FABP6: variants seen among roughly 807,000 people sequenced by gnomAD.
FABP6 encodes the protein fatty acid binding protein 6, also known as gastrotropin.
A neutral mutation model predicts 14.9 loss-of-function variants in FABP6; 13 were observed. The ratio of observed to expected loss-of-function variants is 0.87; its 90% CI spans 0.57 to 1.39. The LOEUF is 1.39. FABP6 is among the 40% of genes most tolerant of loss of function. The pLI is 0.00. For synonymous variants in FABP6, 75 were observed against 63.6 expected, an observed-to-expected ratio of 1.18 and a Z score of -0.85; for missense variants, 161 against 167.2, an observed-to-expected ratio of 0.96 and a Z score of 0.20.
chr5:160,204,362 T>TA (rs34078328), intron 2 of FABP6, among the ~76,000 whole-genome samples: 11 of 152,030 alleles, frequency 7.2e-5, no homozygotes, highest in South Asian at 2.1e-4. Context: ...TACGTTTTTT[T>TA]AAAAAAGCTC....
intron 2 of FABP6, among the ~76,000 whole-genome samples, chr5:160,206,674 C>T (rs10866717): frequency 0.82 from 124,250 of 152,096 alleles, 51,173 homozygotes; most frequent in Non-Finnish European, 0.85. Flanking sequence ...ATTATTTTTT[C>T]CTACCCACGT....
At chr5:160,207,242 T>C (rs956021120) in intron 2 of FABP6, among the ~76,000 whole-genome samples, 2 of 152,232 alleles carry the variant, frequency 1.3e-5, no homozygotes, top group South Asian at 2.1e-4. Flanking sequence ...TAAACTCCCA[T>C]GGCCCAATCC....
At chr5:160,202,567 C>T (rs1228263423) in intron 2 of FABP6, among the ~76,000 whole-genome samples, 1 of 152,098 alleles carries the variant, frequency 6.6e-6, no homozygotes, top group East Asian at 1.9e-4. Context: ...GAGGACAAGG[C>T]AGGCAAATCA....
intron 2 of FABP6, among the ~76,000 whole-genome samples, chr5:160,211,633 C>T (rs1439077966): frequency 6.6e-6 from 1 of 152,158 alleles, no homozygotes; most frequent in Admixed American, 6.5e-5. Flanking sequence ...TGGCAGTGCC[C>T]CAGGGACTGT....
At chr5:160,208,644 G>A (rs973253218) in intron 2 of FABP6, among the ~76,000 whole-genome samples, 1 of 152,170 alleles carries the variant, frequency 6.6e-6, no homozygotes, top group African/African-American at 2.4e-5. Context: ...CATGAGAGTG[G>A]GAGCCAGGCA....
intron 1 of FABP6, chr5:160,197,921 C>CGTGT (rs34714032): frequency 0.12 from 15,449 of 126,970 alleles, 1,324 homozygotes; most frequent in Admixed American, 0.19. Flanking sequence ...AAGGCTGCTT[C>CGTGT]GTGTGTGTGT....
chr5:160,226,402 A>T (rs959192838), upstream of FABP6, among the ~76,000 whole-genome samples: 9 of 151,546 alleles, frequency 5.9e-5, no homozygotes, highest in African/African-American at 2.2e-4. Flanking sequence ...TCTACTAAAG[A>T]TACAGAAAAT....
chr5:160,201,315 G>A (rs888193036), intron 2 of FABP6, among the ~76,000 whole-genome samples: 2 of 148,440 alleles, frequency 1.3e-5, no homozygotes, highest in East Asian at 2.1e-4. Context: ...TCAAGATCGC[G>A]ACACTGCACT....
In FABP6 at chr5:160,198,983, A is replaced by G; in HGVS notation, c.-58-66A>G. 2.0e-6 allele frequency: 2 copies of G among 979,574 alleles called. 1 individual carries two copies. The highest frequency in any genetic ancestry group is 2.7e-5 in the South Asian group (2 of 74,758). 60.7% of individuals were successfully genotyped at this position (979,574 alleles called of 1,614,324 possible). On this transcript the variant is annotated intron_variant, in intron 1 of 6. Coordinates refer to the FABP6 transcript ENST00000393980. Reference sequence around the variant, plus strand: ...GTCAATAAAATGGATTGAATAGACAAATGAATGAACAATGAGATGGTCTCC... The same window carrying G: ...GTCAATAAAATGGATTGAATAGACAGATGAATGAACAATGAGATGGTCTCC...
chr5:160,208,599 G>C (rs1285859419), intron 2 of FABP6, among the ~76,000 whole-genome samples: 4 of 151,454 alleles, frequency 2.6e-5, no homozygotes, highest in African/African-American at 9.8e-5. Context: ...ATAAATTAAA[G>C]GATTAATGGG....
upstream of FABP6, chr5:160,228,547 A>G: frequency 2.2e-6 from 1 of 456,282 alleles, no homozygotes; most frequent in South Asian, 1.5e-5. Flanking sequence ...AGTGGTACTG[A>G]GAGACACAGC....
At chr5:160,197,531 A>G (rs1002236119) in intron 1 of FABP6, 1 of 152,260 alleles carries the variant, frequency 6.6e-6, no homozygotes, top group African/African-American at 2.4e-5. Flanking sequence ...GTGGGACCAC[A>G]AGGAAGAGGA....
At chr5:160,197,186 G>C (rs1326328732) in intron 1 of FABP6, 1 of 152,414 alleles carries the variant, frequency 6.6e-6, no homozygotes. Flanking sequence ...GGCTCCATAA[G>C]GTGGGAAGAG....
At chr5:160,188,245 G>A (rs977731179) in intron 1 of FABP6, among the ~76,000 whole-genome samples, 18 of 152,248 alleles carry the variant, frequency 1.2e-4, no homozygotes, top group Admixed American at 9.8e-4. Context: ...CTCTCCTCCC[G>A]ATTCCTTATC....
intron 3 of FABP6, among the ~76,000 whole-genome samples, chr5:160,219,382 G>T (rs1319006758): frequency 1.3e-5 from 2 of 152,182 alleles, no homozygotes; most frequent in Non-Finnish European, 2.9e-5. Context: ...CTCTATTGGG[G>T]TATAGTTGTT....
intron 2 of FABP6, among the ~76,000 whole-genome samples, chr5:160,213,428 TA>T (rs1328082670): frequency 2.6e-5 from 4 of 152,162 alleles, no homozygotes; most frequent in African/African-American, 9.7e-5. Context: ...CTACCCTTGA[TA>T]GGGGTGCAAA....
chr5:160,205,317 CAAAAAAAAAA>C (rs1163175404), intron 2 of FABP6, among the ~76,000 whole-genome samples: 1 of 67,088 alleles, frequency 1.5e-5, no homozygotes, highest in East Asian at 5.2e-4. Context: ...GACTTCATCT[CAAAAAAAAAA>C]AAAAAAAAAA....
chr5:160,192,333 G>T (rs939433252), intron 1 of FABP6, among the ~76,000 whole-genome samples: 1 of 152,008 alleles, frequency 6.6e-6, no homozygotes, highest in Non-Finnish European at 1.5e-5. Context: ...GGCCTCGCCA[G>T]TCTTATCCCT....
At chr5:160,238,413 C>A (rs931206989) in intron 3 of FABP6, among the ~76,000 whole-genome samples, 193 bp from the exon 4 acceptor site, 1 of 152,206 alleles carries the variant, frequency 6.6e-6, no homozygotes, top group Non-Finnish European at 1.5e-5. Flanking sequence ...CCCCTCACAG[C>A]TGGTTACCAT....
Sources: gnomAD v4.1 joint callset for allele counts (sites outside exome capture counted in the v4.1 genomes callset) on GRCh38, gnomAD v4.1.1 for gene constraint, MANE v1.5 for transcripts, NCBI Gene and HGNC (gene_info 2026-07-23, HGNC 2026-07-21) for gene names.